HSCB: variants seen among roughly 807,000 people sequenced by gnomAD.
The protein encoded by HSCB is iron-sulfur cluster co-chaperone protein HscB.
Under a neutral mutation model 31.3 loss-of-function variants are expected in HSCB, and 23 were observed. The ratio of observed to expected loss-of-function variants is 0.74; its 90% confidence interval spans 0.53 to 1.04. The LOEUF is 1.04. HSCB is among the 50% of genes least tolerant of loss of function. The pLI, the probability that HSCB is intolerant of heterozygous loss-of-function variation, is 0.00. For synonymous variants in HSCB, 110 were observed against 104.5 expected (o/e 1.05, Z -0.32); for missense variants, 297 against 288.1 (o/e 1.03, Z -0.22).
At chr22:28,742,945 A>T (rs1488135090) in intron 1 of HSCB, among the ~76,000 whole-genome samples, 1 of 152,092 alleles carries the variant, frequency 6.6e-6, no homozygotes, top group African/African-American at 2.4e-5. Context: ...CTGGTAAGGA[A>T]ATAGGACAGA....
intron 4 of HSCB, among the ~76,000 whole-genome samples, chr22:28,750,863 G>T (rs1264592858): frequency 6.7e-6 from 1 of 149,592 alleles, no homozygotes; most frequent in Non-Finnish European, 1.5e-5. Context: ...ACTGATAGGT[G>T]TTCCCAGCAT....
chr22:28,754,497 C>T (rs2030470721), intron 5 of HSCB, among the ~76,000 whole-genome samples: 2 of 151,946 alleles, frequency 1.3e-5, no homozygotes, highest in South Asian at 4.2e-4. Flanking sequence ...TGGTGAAACC[C>T]CGTCTTTACT....
At chr22:28,752,005 T>G (rs533863454) in intron 5 of HSCB, among the ~76,000 whole-genome samples, 1 of 149,738 alleles carries the variant, frequency 6.7e-6, no homozygotes, top group African/African-American at 2.5e-5. Flanking sequence ...CCAGGAGAAT[T>G]GCTTGAACCA....
intron 5 of HSCB, among the ~76,000 whole-genome samples, chr22:28,756,479 T>TC (rs1330459840): frequency 5.3e-5 from 8 of 150,434 alleles, no homozygotes; most frequent in Non-Finnish European, 1.2e-4. Context: ...TTTTTTTTTT[T>TC]TTTTAAAGAG....
chr22:28,744,831 C>T, intron 3 of HSCB, 127 bp downstream of exon 3: 2 of 745,182 alleles, frequency 2.7e-6, no homozygotes, highest in Non-Finnish European at 4.7e-6. Flanking sequence ...ACCTGTAATC[C>T]CAGAACTTTC....
chr22:28,742,391 C>G, intron 1 of HSCB, 60 bp downstream of exon 1: 1 of 1,586,536 alleles, frequency 6.3e-7, no homozygotes, highest in Non-Finnish European at 8.6e-7. Flanking sequence ...GTCTGGCCTG[C>G]GAGAGGGGAG....
At chr22:28,743,144 T>C (rs533856881) in intron 1 of HSCB, among the ~76,000 whole-genome samples, 49 of 152,074 alleles carry the variant, frequency 3.2e-4, no homozygotes, top group Non-Finnish European at 5.7e-4. Flanking sequence ...GGTCTTGCAG[T>C]TGGGGAGAGA....
In HSCB at chr22:28,744,837, C is replaced by T. The variant is rs2054658002; in HGVS notation, c.423+133C>T. 17 of 692,196 alleles carry T rather than the reference C, an allele frequency of 2.5e-5. No homozygotes were observed. In the South Asian group the frequency reaches 2.7e-4, roughly 11 times the overall value. 42.9% of individuals were successfully genotyped at this position (692,196 alleles called of 1,614,324 possible). On this transcript the variant is annotated intron_variant, in intron 3 of 5. Coordinates refer to ENST00000216027, the MANE Select transcript of HSCB (RefSeq NM_172002.5). ...GTGGCTCACACCTGTAATCCCAGAA[C>T]TTTCAGAGGCTGAGGTGGTCAGATC...
intron 5 of HSCB, among the ~76,000 whole-genome samples, chr22:28,751,495 A>G (rs1201740075): frequency 1.3e-5 from 2 of 152,186 alleles, no homozygotes; most frequent in Admixed American, 1.3e-4. Context: ...AATGCCTGTA[A>G]TCCCAACACT....
intron 4 of HSCB, among the ~76,000 whole-genome samples, chr22:28,747,455 C>A (rs2146212501): frequency 6.6e-6 from 1 of 152,234 alleles, no homozygotes; most frequent in East Asian, 1.9e-4. Context: ...CATGCATCAC[C>A]ATGCCTGGCT....
intron 3 of HSCB, 37 bp downstream of exon 3, chr22:28,744,741 C>A (rs772368032): frequency 4.0e-6 from 6 of 1,486,972 alleles, no homozygotes; most frequent in African/African-American, 1.4e-5. Flanking sequence ...GTATGACGTC[C>A]TGATGCCCAT....
At chr22:28,742,378 G>C in intron 1 of HSCB, 47 bp downstream of exon 1, 1 of 1,599,904 alleles carries the variant, frequency 6.3e-7, no homozygotes, top group South Asian at 1.1e-5. Flanking sequence ...GAGACACGTC[G>C]AGGTCTGGCC....
chr22:28,748,350 C>T (rs956952332), intron 4 of HSCB, among the ~76,000 whole-genome samples: 1 of 152,134 alleles, frequency 6.6e-6, no homozygotes, highest in African/African-American at 2.4e-5. Flanking sequence ...AATTCATCCA[C>T]CCATCTCTAC....
chr22:28,742,237 T>C lies in HSCB; in HGVS notation c.142T>C (p.Trp48Arg), dbSNP rs942958507. 3.1e-6 allele frequency: 5 copies of C among 1,613,920 alleles called. No homozygotes were observed. The highest frequency in any genetic ancestry group is 1.1e-5 in the South Asian group (1 of 91,070). ...CCGCTGTTGGAACTGCGGCGGCCCA[T>C]GGGGCCCCGGGCGGGAGGACAGGTT... ...YPRCWNCGGPWGPGREDRFFC... is the reference protein window; with the variant it reads ...YPRCWNCGGPRGPGREDRFFC... The change falls in exon 1 of 6, where the codon TGG (tryptophan) becomes CGG (arginine). Residue 48 changes from tryptophan to arginine, a missense_variant. Trp to Arg is a moderately radical substitution (Grantham distance 101). Transcript: ENST00000216027.
chr22:28,754,507 T>C (rs2030471476), intron 5 of HSCB, among the ~76,000 whole-genome samples: 1 of 151,926 alleles, frequency 6.6e-6, no homozygotes, highest in African/African-American at 2.4e-5. Context: ...CCGTCTTTAC[T>C]GCAAATACAA....
chr22:28,753,827 G>C (rs1027616728), intron 5 of HSCB, among the ~76,000 whole-genome samples: 15 of 146,776 alleles, frequency 1.0e-4, no homozygotes, highest in Non-Finnish European at 1.6e-4. Flanking sequence ...GACACAGGGA[G>C]ACTCCATCTC....
At chr22:28,755,586 A>G (rs1038205017) in intron 5 of HSCB, among the ~76,000 whole-genome samples, 12 of 152,076 alleles carry the variant, frequency 7.9e-5, no homozygotes, top group African/African-American at 1.2e-4. Flanking sequence ...ACATAATAGT[A>G]TATTATTTAG....
At chr22:28,746,472 G>A (rs544935334) in intron 4 of HSCB, among the ~76,000 whole-genome samples, 1 of 152,010 alleles carries the variant, frequency 6.6e-6, no homozygotes, top group East Asian at 1.9e-4. Flanking sequence ...ATAGGGTAGG[G>A]CTGGGCACAG....
intron 5 of HSCB, among the ~76,000 whole-genome samples, chr22:28,756,211 G>A (rs2030587091): frequency 6.6e-6 from 1 of 150,400 alleles, no homozygotes; most frequent in African/African-American, 2.5e-5. Context: ...TCACGCCACT[G>A]TACTCCAGCC....
Sources: allele counts gnomAD v4.1 joint callset (sites outside exome capture counted in the v4.1 genomes callset), GRCh38; gene constraint gnomAD v4.1.1; transcripts MANE v1.5; gene names NCBI Gene and HGNC (gene_info 2026-07-23, HGNC 2026-07-21).